Variants in COMMD10 observed in about 807,000 individuals in gnomAD.
COMMD10 encodes the protein COMM domain containing 10, also known as COMM domain-containing protein 10.
COMMD10 carries 33 observed loss-of-function variants against 28.9 expected under a neutral mutation model. The observed-to-expected ratio is 1.14, with a 90% CI of 0.87 to 1.53. The LOEUF is 1.53. Among genes scored for constraint, COMMD10 ranks in the 40% most tolerant of loss-of-function variants. The pLI, the probability that COMMD10 is intolerant of heterozygous loss-of-function variation, is 0.00. For missense variants in COMMD10, 310 were observed against 233.4 expected, an observed-to-expected ratio of 1.33 and a Z score of -2.14; for synonymous variants, 110 against 81.7, an observed-to-expected ratio of 1.35 and a Z score of -1.87.
At chr5:116,288,610 C>G (rs1319604976) in intron 5 of COMMD10, among the ~76,000 whole-genome samples, 3 of 151,732 alleles carry the variant, frequency 2.0e-5, no homozygotes, top group Non-Finnish European at 2.9e-5. Flanking sequence ...TCCTAAATCC[C>G]TTATCATCTC....
rs184164378 is a variant in COMMD10, at chr5:116,292,137, C to T, written c.571-314C>T. Among the ~76,000 whole-genome samples the T allele has an allele frequency of 4.2e-4, 64 of 151,464 alleles. 1 individual carries two copies. The highest frequency in any genetic ancestry group is 4.2e-3 in the Admixed American group (63 of 15,166). The stretch of plus-strand genomic sequence containing the variant: ...CTCATATGTAAGCCTCCAATAAAAC[C>T]CCATGTCTCATTAAAAAAAAAATTA... On this transcript the variant is annotated intron_variant, in intron 6 of 6. Transcript: ENST00000274458.
intron 5 of COMMD10, among the ~76,000 whole-genome samples, chr5:116,238,599 C>T (rs1302581953): frequency 2.0e-5 from 3 of 152,140 alleles, no homozygotes; most frequent in Non-Finnish European, 4.4e-5. Flanking sequence ...CAACATTTTA[C>T]AATTGGTTTT....
intron 5 of COMMD10, among the ~76,000 whole-genome samples, chr5:116,199,340 AT>A (rs1369520073): frequency 2.6e-5 from 4 of 152,194 alleles, no homozygotes; most frequent in African/African-American, 9.6e-5. Flanking sequence ...TTCTTCATAT[AT>A]TTTGGATAAC....
Position 116,092,642 on chromosome 5 carries a change from C to G in COMMD10, c.341C>G (p.Ser114Cys). 6.2e-7 allele frequency: 1 copy of G among 1,611,826 alleles called. No individual in the cohort carries two copies. The highest frequency in any genetic ancestry group is 8.5e-7 in the Non-Finnish European group (1 of 1,178,840). Reference protein sequence around the residue: ...DKAEAFVNTWSSMGQETVEKF... With the variant: ...DKAEAFVNTWCSMGQETVEKF... Reference sequence around the variant, plus strand: ...GCTGAAGCATTTGTCAATACGTGGTCTTCTATGGGTCAAGAAACAGTTGAA... The same window carrying G: ...GCTGAAGCATTTGTCAATACGTGGTGTTCTATGGGTCAAGAAACAGTTGAA... Residue 114 changes from serine (S) to cysteine (C), a missense_variant, in exon 4 of 7, where the codon TCT (serine) becomes TGT (cysteine). By Grantham distance (112) the Ser-to-Cys change is moderately radical (BLOSUM62 -1). Transcript: ENST00000274458.
At chr5:116,171,790 G>A (rs975513368) in intron 5 of COMMD10, among the ~76,000 whole-genome samples, 1 of 151,410 alleles carries the variant, frequency 6.6e-6, no homozygotes, top group Non-Finnish European at 1.5e-5. Context: ...AGAACACATG[G>A]ACACAGGGAG....
At chr5:116,240,287 G>C (rs893684031) in intron 5 of COMMD10, among the ~76,000 whole-genome samples, 6 of 151,416 alleles carry the variant, frequency 4.0e-5, no homozygotes, top group African/African-American at 1.5e-4. Flanking sequence ...GTGAGATGAG[G>C]AGGGCAAAAG....
At position 116,196,506 on chromosome 5, in the gene COMMD10, G is replaced by GT. The variant is rs200226006; in HGVS notation, c.510+62330dup. ...CAGTAACTTATGGAAAAATAAATAT[G>GT]TTAAAAAAAAAAAGTAATAGCCAAA... On this transcript the variant is annotated intron_variant, in intron 5 of 6. Transcript: ENST00000274458. 3.6e-3 allele frequency among the ~76,000 whole-genome samples: 448 copies of GT among 125,314 alleles called. 3 individuals carry two copies. Among genetic ancestry groups the GT allele is most frequent in the African/African-American group, 0.019 (430 of 22,222 alleles). The allele number at this position is 125,314 out of a possible 152,430, so 82.2% of individuals were successfully genotyped here.
At chr5:116,213,533 G>C (rs192472937) in intron 5 of COMMD10, among the ~76,000 whole-genome samples, 1 of 152,050 alleles carries the variant, frequency 6.6e-6, no homozygotes, top group Non-Finnish European at 1.5e-5. Context: ...TTGTGTATAC[G>C]TGCATACACA....
intron 4 of COMMD10, among the ~76,000 whole-genome samples, chr5:116,094,954 G>C (rs948173767): frequency 2.6e-5 from 4 of 152,196 alleles, no homozygotes; most frequent in African/African-American, 4.8e-5. Flanking sequence ...CTATGTGGGA[G>C]CTAAACAAGT....
chr5:116,110,467 A>G (rs1340271311), intron 4 of COMMD10, among the ~76,000 whole-genome samples: 2 of 152,212 alleles, frequency 1.3e-5, no homozygotes, highest in Non-Finnish European at 2.9e-5. Flanking sequence ...TATGTTTGGC[A>G]GAATTCAGCT....
intron 4 of COMMD10, among the ~76,000 whole-genome samples, chr5:116,128,422 C>G (rs1751734194): frequency 6.6e-6 from 1 of 151,732 alleles, no homozygotes; most frequent in Non-Finnish European, 1.5e-5. Context: ...TGTAAGGACC[C>G]TCAGATTTAA....
At chr5:116,109,334 A>C (rs1444335308) in intron 4 of COMMD10, among the ~76,000 whole-genome samples, 3 of 152,200 alleles carry the variant, frequency 2.0e-5, no homozygotes, top group African/African-American at 7.2e-5. Context: ...CTGTCATTTC[A>C]GCACTTTGAG....
intron 4 of COMMD10, among the ~76,000 whole-genome samples, chr5:116,112,744 A>G (rs1343665608): frequency 1.3e-5 from 2 of 152,064 alleles, no homozygotes; most frequent in Non-Finnish European, 2.9e-5. Context: ...TTTTAGTAGG[A>G]CATTTAATCC....
chr5:116,256,079 T>C (rs570390301), intron 5 of COMMD10, among the ~76,000 whole-genome samples: 1 of 151,784 alleles, frequency 6.6e-6, no homozygotes, highest in Admixed American at 6.6e-5. Flanking sequence ...CTATAAAAAG[T>C]TCCAAAAGCA....
At chr5:116,143,291 T>C (rs13180407) in intron 5 of COMMD10, among the ~76,000 whole-genome samples, 76,351 of 151,280 alleles carry the variant, frequency 0.5, 21,881 homozygotes, top group Non-Finnish European at 0.65. Flanking sequence ...CTAACAAAAA[T>C]ACTGTTTCAG....
intron 5 of COMMD10, among the ~76,000 whole-genome samples, chr5:116,152,482 ATACTTTGTATT>A: frequency 6.6e-6 from 1 of 152,100 alleles, no homozygotes; most frequent in Non-Finnish European, 1.5e-5. Flanking sequence ...CTCAATTTTA[ATACTTTGTATT>A]TACTTAGTAG....
chr5:116,242,108 A>G (rs554441369), intron 5 of COMMD10, among the ~76,000 whole-genome samples: 26 of 152,334 alleles, frequency 1.7e-4, no homozygotes, highest in South Asian at 1.2e-3. Flanking sequence ...GCTAACAGCT[A>G]TGAAGGTGAA....
intron 5 of COMMD10, among the ~76,000 whole-genome samples, chr5:116,253,836 C>G (rs1478622791): frequency 6.8e-6 from 1 of 147,880 alleles, no homozygotes; most frequent in Non-Finnish European, 1.5e-5. Flanking sequence ...AGGATTCCCT[C>G]TTTTTCTATT....
At chr5:116,217,792 C>A (rs374300938) in intron 5 of COMMD10, among the ~76,000 whole-genome samples, 4 of 152,032 alleles carry the variant, frequency 2.6e-5, no homozygotes, top group African/African-American at 7.2e-5. Context: ...GTAAGTCTCT[C>A]AAAACTAGAA....
Sources: gnomAD v4.1 joint callset for allele counts (sites outside exome capture counted in the v4.1 genomes callset) on GRCh38, gnomAD v4.1.1 for gene constraint, MANE v1.5 for transcripts, NCBI Gene and HGNC (gene_info 2026-07-23, HGNC 2026-07-21) for gene names.